The following ZG16 variants were observed in gnomAD, a reference collection of about 807,000 sequenced individuals.
The protein encoded by ZG16 is zymogen granule membrane protein 16.
In ZG16, 9 loss-of-function variants were observed where a neutral mutation model predicts 15.6. The observed-to-expected ratio is 0.58, with a 90% CI of 0.35 to 1.00. The LOEUF (loss-of-function observed/expected upper bound fraction) is 1.00, where lower values mean the gene tolerates loss of function less well. Among genes scored for constraint, ZG16 ranks in the 50% least tolerant of loss-of-function variants. ZG16 has a pLI of 0.02. For synonymous variants in ZG16, 89 were observed against 87.4 expected (o/e 1.02, Z -0.10); for missense variants, 174 against 214.8 (o/e 0.81, Z 1.19).
In ZG16 at chr16:29,782,733, G is replaced by T. The variant is rs1898636861; in HGVS notation, c.*2314G>T. On this transcript the variant is annotated 3_prime_UTR_variant, in exon 4 of 4. Transcript: ENST00000400752. Reference sequence around the variant, plus strand: ...CCTTATCACAAATCTCCATCCAATTGGTTCTATAAACAGATATGGTGGCCC... The same window carrying T: ...CCTTATCACAAATCTCCATCCAATTTGTTCTATAAACAGATATGGTGGCCC... The T allele has an allele frequency of 1.3e-5, 2 of 152,646 alleles. No homozygotes were observed. The highest frequency in any genetic ancestry group is 1.9e-4 in the South Asian group (1 of 5,314). 9.5% of individuals were successfully genotyped at this position (152,646 alleles called of 1,614,324 possible).
intron 1 of ZG16, among the ~76,000 whole-genome samples, chr16:29,778,868 CCTT>C (rs1898588119): frequency 1.3e-5 from 2 of 152,168 alleles, no homozygotes; most frequent in Admixed American, 6.6e-5. Context: ...TCTACTCCCT[CCTT>C]AGAAAACTCG....
rs1197575628 is a variant in ZG16 at position 29,780,396 on chromosome 16, C to G, written c.481C>G (p.Pro161Ala). Residue 161 changes from proline to alanine, a missense_variant, in exon 4 of 4, where the codon CCC becomes GCC. Coordinates refer to ENST00000400752, the MANE Select transcript of ZG16 (RefSeq NM_152338.4). Reference sequence around the variant, plus strand: ...CATTGGCCTGCACTGGGATGTTTACCCCAGTAGCTGCAGCAGATGCTGAGC... The same window carrying G: ...CATTGGCCTGCACTGGGATGTTTACGCCAGTAGCTGCAGCAGATGCTGAGC... ...DAIGLHWDVY[P>A]SSCSRC The G allele has an allele frequency of 1.3e-6, 2 of 1,533,560 alleles. No individual in the cohort carries two copies. Among genetic ancestry groups the G allele is most frequent in the African/African-American group, 2.7e-5 (2 of 72,956 alleles). 95.0% of individuals were successfully genotyped at this position (1,533,560 alleles called of 1,614,324 possible).
At position 29,780,935 on chromosome 16, in the gene ZG16, A is replaced by C. The variant is rs1898617676; in HGVS notation, c.*516A>C. 6.5e-6 allele frequency: 1 copy of C among 153,322 alleles called. No individual in the cohort carries two copies. Among genetic ancestry groups the C allele is most frequent in the African/African-American group, 2.4e-5 (1 of 41,454 alleles). The allele number at this position is 153,322 out of a possible 1,614,324, so 9.5% of individuals were successfully genotyped here. A position where few individuals can be genotyped will look rare whatever the true frequency, so the allele number is the denominator to read the frequency against. On this transcript the variant is annotated 3_prime_UTR_variant, in exon 4 of 4. Transcript: ENST00000400752. Reference sequence around the variant, plus strand: ...CACCTGACTCCTGAAACTTAGCTGAAGTCTGTGCCCGAGGACCCTGCCCTG... The same window carrying C: ...CACCTGACTCCTGAAACTTAGCTGACGTCTGTGCCCGAGGACCCTGCCCTG...
At chr16:29,779,691 A>G in intron 3 of ZG16, 54 bp downstream of exon 3, 1 of 1,528,372 alleles carries the variant, frequency 6.5e-7, no homozygotes, top group Non-Finnish European at 8.8e-7. Context: ...TGTCATTACA[A>G]TGCTTTGGGA....
Position 29,780,440 on chromosome 16 carries a change from G to C in ZG16, c.*21G>C, listed in dbSNP as rs1400220849. ...GCTGAGCCTCCTCTCCTTGGCAGGG[G>C]CACTGTGATGAGGAGTAAGAACTCC... On this transcript the variant is annotated 3_prime_UTR_variant, in exon 4 of 4. Transcript: ENST00000400752. The C allele has an allele frequency of 6.6e-7, 1 of 1,511,042 alleles. No homozygotes were observed. Among genetic ancestry groups the C allele is most frequent in the Admixed American group, 2.0e-5 (1 of 49,170 alleles). 93.6% of individuals were successfully genotyped at this position (1,511,042 alleles called of 1,614,324 possible).
At chr16:29,779,679 T>C (rs766383115) in intron 3 of ZG16, 42 bp downstream of exon 3, 113 of 1,534,590 alleles carry the variant, frequency 7.4e-5, no homozygotes, top group Middle Eastern at 1.7e-4. Context: ...GTGGCTCACA[T>C]CTGTCATTAC....
rs544688150 is a variant in ZG16 at position 29,780,706 on chromosome 16, G to A, written c.*287G>A. ...AGATGAGATTCTGGCTTGCATCAAC[G>A]CTCTTCAAGGACAGCTCCTTGGAAC... On this transcript the variant is annotated 3_prime_UTR_variant, in exon 4 of 4. Coordinates refer to ENST00000400752, the MANE Select transcript of ZG16 (RefSeq NM_152338.4). The A allele has an allele frequency of 1.1e-5, 4 of 354,078 alleles. No individual in the cohort carries two copies. Among genetic ancestry groups the A allele is most frequent in the South Asian group, 4.3e-5 (1 of 23,142 alleles). 21.9% of individuals were successfully genotyped at this position (354,078 alleles called of 1,614,324 possible).
chr16:29,782,358 G>A lies in ZG16; in HGVS notation c.*1939G>A, dbSNP rs1460735089. ...CCAGGAGGGTCGCTTGAGCCCAGGAGTTTAAGGCCAGCCCGGGCAACATAG... is the reference window on the plus strand; with the variant it reads ...CCAGGAGGGTCGCTTGAGCCCAGGAATTTAAGGCCAGCCCGGGCAACATAG... On this transcript the variant is annotated 3_prime_UTR_variant, in exon 4 of 4. Transcript: ENST00000400752. The A allele has an allele frequency of 1.3e-5, 2 of 152,204 alleles. No homozygotes were observed. The highest frequency in any genetic ancestry group is 2.4e-5 in the African/African-American group (1 of 41,426). The allele number at this position is 152,204 out of a possible 1,614,324, so 9.4% of individuals were successfully genotyped here.
chr16:29,780,459 G>GGTGGC lies in ZG16; in HGVS notation c.*40_*41insGTGGC. On this transcript the variant is annotated 3_prime_UTR_variant, in exon 4 of 4. Coordinates refer to ENST00000400752, the MANE Select transcript of ZG16 (RefSeq NM_152338.4). ...GCAGGGGCACTGTGATGAGGAGTAA[G>GGTGGC]AACTCCCTTATCACTAACCCCCATC... The GGTGGC allele has an allele frequency of 6.8e-7, 1 of 1,464,802 alleles. No individual in the cohort carries two copies. The highest frequency in any genetic ancestry group is 9.1e-7 in the Non-Finnish European group (1 of 1,100,224). 90.7% of individuals were successfully genotyped at this position (1,464,802 alleles called of 1,614,324 possible).
intron 1 of ZG16, among the ~76,000 whole-genome samples, chr16:29,778,833 C>T (rs1334446593): frequency 6.6e-6 from 1 of 152,132 alleles, no homozygotes; most frequent in Non-Finnish European, 1.5e-5. Flanking sequence ...GTAAACTCAG[C>T]CATCTCTTTG....
Position 29,782,263 on chromosome 16 carries a change from T to C in ZG16, c.*1844T>C, listed in dbSNP as rs1898631905. The C allele has an allele frequency of 6.6e-6, 1 of 151,894 alleles. No individual in the cohort carries two copies. The allele number at this position is 151,894 out of a possible 1,614,324, so 9.4% of individuals were successfully genotyped here. A position where few individuals can be genotyped will look rare whatever the true frequency, so the allele number is the denominator to read the frequency against. On this transcript the variant is annotated 3_prime_UTR_variant, in exon 4 of 4. Transcript: ENST00000400752. ...TTCTCTATCATTAACCTCCATGCAGTTGGCTCAAGAAAAGGATATGGTAGT... is the reference window on the plus strand; with the variant it reads ...TTCTCTATCATTAACCTCCATGCAGCTGGCTCAAGAAAAGGATATGGTAGT...
intron 3 of ZG16, 124 bp from the exon 4 acceptor site, chr16:29,779,980 G>A (rs1898604135): frequency 3.3e-6 from 3 of 919,876 alleles, no homozygotes; most frequent in Non-Finnish European, 3.2e-6. Context: ...TTGGCAAAAT[G>A]AGTTGAAGTT....
intron 2 of ZG16, 43 bp downstream of exon 2, chr16:29,779,364 G>A: frequency 2.6e-6 from 4 of 1,536,088 alleles, no homozygotes; most frequent in Non-Finnish European, 3.5e-6. Context: ...ACTTGGGAAG[G>A]CAGCCTTGGG....
rs1044415819 is a variant in ZG16, at chr16:29,780,200, C to T, written c.285C>T (p.Ile95=). ...EIFLHPGESV[I]QVSGKYKWYL... Reference sequence around the variant, plus strand: ...TTCTGCACCCTGGGGAATCAGTGATCCAGGTTTCTGGGAAGTACAAGTGGT... The same window carrying T: ...TTCTGCACCCTGGGGAATCAGTGATTCAGGTTTCTGGGAAGTACAAGTGGT... The change falls in exon 4 of 4, where the codon ATC becomes ATT. Residue 95 remains isoleucine, a synonymous_variant. Coordinates refer to ENST00000400752, the MANE Select transcript of ZG16 (RefSeq NM_152338.4). 2.0e-6 allele frequency: 3 copies of T among 1,537,242 alleles called. No individual in the cohort carries two copies. In the African/African-American group the frequency reaches 4.1e-5, roughly 21 times the overall value.
chr16:29,779,221 G>C (rs578227344), intron 1 of ZG16, 39 bp from the exon 2 acceptor site: 58 of 1,534,712 alleles, frequency 3.8e-5, no homozygotes, highest in Non-Finnish European at 4.8e-5. Context: ...CAACAAGGAA[G>C]AAGGTGAATC....
chr16:29,779,329 A>T lies in ZG16; in HGVS notation c.55+8A>T. 1 of 1,537,460 alleles carries T rather than the reference A, an allele frequency of 6.5e-7. No individual in the cohort carries two copies. The highest frequency in any genetic ancestry group is 8.7e-7 in the Non-Finnish European group (1 of 1,146,886). ...CAGCCTCTGGCAATGCCAGTAAGTG[A>T]GATACCAGGAGCCTGGTATTGGGGA... On this transcript the variant is annotated splice_region_variant and intron_variant, in intron 2 of 3. Coordinates refer to ENST00000400752, the MANE Select transcript of ZG16 (RefSeq NM_152338.4).
chr16:29,779,368 C>T, intron 2 of ZG16, 47 bp downstream of exon 2: 2 of 1,535,912 alleles, frequency 1.3e-6, no homozygotes, highest in South Asian at 1.2e-5. Context: ...GGGAAGGCAG[C>T]CTTGGGCACT....
At position 29,780,112 on chromosome 16, in the gene ZG16, T is replaced by C; in HGVS notation, c.197T>C (p.Val66Ala). The C allele has an allele frequency of 6.5e-7, 1 of 1,536,044 alleles. No homozygotes were observed. Among genetic ancestry groups the C allele is most frequent in the South Asian group, 1.2e-5 (1 of 83,998 alleles). The change falls in exon 4 of 4, where the codon GTG becomes GCG. Residue 66 changes from valine (V) to alanine (A), a missense_variant. Transcript: ENST00000400752. ...VNTYYIVGLQ[V>A]RYGKVWSDYV... Reference sequence around the variant, plus strand: ...CCTCCCCTCTTCCTCAGTCTTCAGGTGCGCTATGGCAAGGTGTGGAGCGAC... The same window carrying C: ...CCTCCCCTCTTCCTCAGTCTTCAGGCGCGCTATGGCAAGGTGTGGAGCGAC...
chr16:29,779,458 T>C lies in ZG16; in HGVS notation c.56-47T>C, dbSNP rs146520031. The C allele has an allele frequency of 1.4e-4, 209 of 1,534,674 alleles. 4 individuals carry two copies. The East Asian group carries it at 3.9e-3, about 28-fold the overall frequency. On this transcript the variant is annotated intron_variant, in intron 2 of 3. Transcript: ENST00000400752. Reference sequence around the variant, plus strand: ...AGGAACAGGGGTGATGCAGAGAAACTGAACTCCTGGAAGATTTCTCCCTCC... The same window carrying C: ...AGGAACAGGGGTGATGCAGAGAAACCGAACTCCTGGAAGATTTCTCCCTCC...
Sources: gnomAD v4.1 joint callset for allele counts (sites outside exome capture counted in the v4.1 genomes callset) on GRCh38, gnomAD v4.1.1 for gene constraint, MANE v1.5 for transcripts, NCBI Gene and HGNC (gene_info 2026-07-23, HGNC 2026-07-21) for gene names.